ATP2B2: variants seen among roughly 807,000 people sequenced by gnomAD.
ATP2B2 encodes the protein plasma membrane calcium-transporting ATPase 2.
In ATP2B2, 15 loss-of-function variants were observed where a neutral mutation model predicts 120.0. The observed-to-expected ratio is 0.12, with a 90% CI of 0.08 to 0.19. The LOEUF is 0.19. Ranked by LOEUF, ATP2B2 falls within the 10% of genes least tolerant of loss-of-function variation. ATP2B2 has a pLI of 1.00. For missense variants in ATP2B2, 1,045 were observed against 1,719.8 expected, an observed-to-expected ratio of 0.61 and a Z score of 6.94; for synonymous variants, 694 against 700.3, an observed-to-expected ratio of 0.99 and a Z score of 0.14.
rs1415265541 is a variant in ATP2B2, at chr3:10,327,357, T to G, written c.*1457A>C. The G allele has an allele frequency of 6.5e-6, 1 of 152,758 alleles. No individual in the cohort carries two copies. Among genetic ancestry groups the G allele is most frequent in the African/African-American group, 2.4e-5 (1 of 41,440 alleles). 9.5% of individuals were successfully genotyped at this position (152,758 alleles called of 1,614,324 possible). ...TACAGGAAGACAATTTGGTTTAAAA[T>G]CACACTGAGTACATCTCAATATACA... is the stretch of plus-strand genomic sequence containing the variant. On this transcript the variant is annotated 3_prime_UTR_variant, in exon 23 of 23. Transcript: ENST00000360273.
At chr3:10,562,075 T>C (rs930080132) in intron 2 of ATP2B2, among the ~76,000 whole-genome samples, 3 of 152,200 alleles carry the variant, frequency 2.0e-5, no homozygotes, top group African/African-American at 7.2e-5. Flanking sequence ...ACGTTCCTGC[T>C]CTTAGAGGAC....
At chr3:10,497,140 A>G (rs2066184918) in intron 1 of ATP2B2, among the ~76,000 whole-genome samples, 1 of 152,204 alleles carries the variant, frequency 6.6e-6, no homozygotes, top group Admixed American at 6.5e-5. Flanking sequence ...TTGAGGGAAG[A>G]CAGAAACGAC....
At chr3:10,387,775 GTAAACTCATAA>G (rs1406097592) in intron 6 of ATP2B2, 1 of 217,808 alleles carries the variant, frequency 4.6e-6, no homozygotes, top group South Asian at 7.8e-5. Context: ...GCACTGGAGA[GTAAACTCATAA>G]TGGTTGATTT....
chr3:10,364,800 T>G lies in ATP2B2; in HGVS notation c.1660-4677A>C, dbSNP rs562995611. Among the ~76,000 whole-genome samples, 7 of 152,212 alleles carry G rather than the reference T, an allele frequency of 4.6e-5. No individual in the cohort carries two copies. The South Asian group carries it at 1.5e-3, about 32-fold the overall frequency. ...ATGGTAAACGGCAGTAACTGCAATGTGATGATTTTTCTAAGAGGCCATTAG... is the reference window on the plus strand; with the variant it reads ...ATGGTAAACGGCAGTAACTGCAATGGGATGATTTTTCTAAGAGGCCATTAG... On this transcript the variant is annotated intron_variant, in intron 12 of 22. Transcript: ENST00000360273.
rs533818657 is a variant in ATP2B2, at chr3:10,570,900, C to G, written c.-414-36767G>C. Among the ~76,000 whole-genome samples, 57 of 152,338 alleles carry G rather than the reference C, an allele frequency of 3.7e-4. No individual in the cohort carries two copies. In the South Asian group the frequency reaches 0.012, roughly 32 times the overall value. Reference sequence around the variant, plus strand: ...GAGGCCCACTTTGCCCATCTGAGGCCCCTACTCTCCAATCCTTAATGAAGA... The same window carrying G: ...GAGGCCCACTTTGCCCATCTGAGGCGCCTACTCTCCAATCCTTAATGAAGA... On this transcript the variant is annotated intron_variant, in intron 2 of 21. Coordinates refer to the ATP2B2 transcript ENST00000646379.
intron 7 of ATP2B2, among the ~76,000 whole-genome samples, chr3:10,386,148 G>C (rs1026550670): frequency 6.6e-6 from 1 of 152,206 alleles, no homozygotes; most frequent in African/African-American, 2.4e-5. Flanking sequence ...TGCTGGTGGG[G>C]AGAGCAGGGC....
chr3:10,704,545 A>G (rs1288062218), intron 1 of ATP2B2, among the ~76,000 whole-genome samples: 1 of 152,222 alleles, frequency 6.6e-6, no homozygotes, highest in Non-Finnish European at 1.5e-5. Context: ...TTCTTAGCAC[A>G]GGCCACACAT....
chr3:10,692,136 A>T (rs1051881548), intron 1 of ATP2B2, among the ~76,000 whole-genome samples: 2 of 152,240 alleles, frequency 1.3e-5, no homozygotes, highest in Admixed American at 1.3e-4. Context: ...TTATTAGTTC[A>T]AAATCTGCAT....
rs555310794 is a variant in ATP2B2, at chr3:10,511,702, G to A, written c.-320+22337C>T. 6.8e-4 allele frequency among the ~76,000 whole-genome samples: 104 copies of A among 152,252 alleles called. 1 individual carries two copies. Among genetic ancestry groups the A allele is most frequent in the African/African-American group, 2.4e-3 (101 of 41,542 alleles). On this transcript the variant is annotated intron_variant, in intron 3 of 21. Coordinates refer to the ATP2B2 transcript ENST00000646379. The stretch of plus-strand genomic sequence containing the variant: ...GCTTGAGCCCAGGGCTGGACTCAAG[G>A]TGAGTTGAACACCCAGGAAGGAGAG...
rs1196797005 is a variant in ATP2B2, at chr3:10,426,670, G to A, written c.200-15855C>T. The stretch of plus-strand genomic sequence containing the variant: ...TCACTTGAACTTTCCATTTAGGTGC[G>A]CGAAGTTACTACTGGGCGAAAAAGC... On this transcript the variant is annotated intron_variant, in intron 2 of 22. Coordinates refer to ENST00000360273, the MANE Select transcript of ATP2B2 (RefSeq NM_001001331.4). Among the ~76,000 whole-genome samples the A allele has an allele frequency of 2.6e-5, 4 of 152,194 alleles. No individual in the cohort carries two copies. The East Asian group carries it at 7.7e-4, about 29-fold the overall frequency.
chr3:10,593,445 CTG>C (rs2068690845), intron 2 of ATP2B2, among the ~76,000 whole-genome samples: 1 of 152,198 alleles, frequency 6.6e-6, no homozygotes, highest in Non-Finnish European at 1.5e-5. Context: ...AGTTGACTGT[CTG>C]TGCAGAAACA....
intron 2 of ATP2B2, among the ~76,000 whole-genome samples, chr3:10,538,319 C>A (rs982760325): frequency 1.3e-5 from 2 of 152,202 alleles, no homozygotes; most frequent in African/African-American, 4.8e-5. Flanking sequence ...TGGTACCATT[C>A]CTTCTGAAAA....
intron 3 of ATP2B2, among the ~76,000 whole-genome samples, chr3:10,526,307 C>T (rs1329761884): frequency 1.3e-5 from 2 of 152,200 alleles, no homozygotes; most frequent in Non-Finnish European, 2.9e-5. Context: ...GACCCTTGAG[C>T]ATGACCCCCA....
intron 2 of ATP2B2, among the ~76,000 whole-genome samples, chr3:10,411,533 T>C (rs1318492616): frequency 1.3e-5 from 2 of 152,224 alleles, no homozygotes; most frequent in Non-Finnish European, 2.9e-5. Context: ...AGCCACTGCC[T>C]GGATTAAAAT....
At chr3:10,695,284 GAC>G (rs1297660442) in intron 1 of ATP2B2, among the ~76,000 whole-genome samples, 2 of 149,992 alleles carry the variant, frequency 1.3e-5, no homozygotes, top group Non-Finnish European at 3.0e-5. Context: ...GAGAGAGAGA[GAC>G]AGCTTGTGCA....
At chr3:10,471,403 T>C (rs572849113) in intron 1 of ATP2B2, among the ~76,000 whole-genome samples, 61 of 151,760 alleles carry the variant, frequency 4.0e-4, no homozygotes, top group African/African-American at 1.4e-3. Context: ...TGTGTGTTTG[T>C]GTGCGTGCAC....
In ATP2B2 at chr3:10,375,987, G is replaced by C. The variant is rs1559249399; in HGVS notation, c.1202-343C>G. On this transcript the variant is annotated intron_variant, in intron 10 of 22. Coordinates refer to ENST00000360273, the MANE Select transcript of ATP2B2 (RefSeq NM_001001331.4). The surrounding 1 kb of genome is among the most constrained non-coding windows in gnomAD (Gnocchi z 4.2). ...AGAGATGTGTGCCGAGTGACTGTGT[G>C]AATAAAGGAGGAATGGTTTGCATTG... Among the ~76,000 whole-genome samples, 1 of 152,226 alleles carries C rather than the reference G, an allele frequency of 6.6e-6. No individual in the cohort carries two copies. The highest frequency in any genetic ancestry group is 2.4e-5 in the African/African-American group (1 of 41,460).
chr3:10,429,665 T>C (rs1181835046), intron 2 of ATP2B2, among the ~76,000 whole-genome samples: 1 of 152,188 alleles, frequency 6.6e-6, no homozygotes. Flanking sequence ...TTAATAACTC[T>C]ACCATGGCCT....
At chr3:10,596,067 C>T (rs976075943) in intron 2 of ATP2B2, among the ~76,000 whole-genome samples, 1 of 152,134 alleles carries the variant, frequency 6.6e-6, no homozygotes, top group African/African-American at 2.4e-5. Flanking sequence ...CTCAAAGGTC[C>T]CCTCTGCAGA....
Sources: allele counts gnomAD v4.1 joint callset (sites outside exome capture counted in the v4.1 genomes callset), GRCh38; gene constraint gnomAD v4.1.1; non-coding constraint Gnocchi (gnomAD v3.1); transcripts MANE v1.5; gene names NCBI Gene and HGNC (gene_info 2026-07-23, HGNC 2026-07-21).